Variants in FHOD3 observed in about 807,000 individuals in gnomAD.
The protein encoded by FHOD3 is FH1/FH2 domain-containing protein 3.
In FHOD3, 90 loss-of-function variants were observed where a neutral mutation model predicts 173.0. The observed-to-expected ratio is 0.52, with a 90% confidence interval of 0.44 to 0.62. The LOEUF is 0.62. Among genes scored for constraint, FHOD3 ranks in the 20% least tolerant of loss-of-function variants. FHOD3 has a pLI of 0.00. For missense variants in FHOD3, 1,945 were observed against 2,034.7 expected, an observed-to-expected ratio of 0.96 and a Z score of 0.85; for synonymous variants, 828 against 823.0, an observed-to-expected ratio of 1.01 and a Z score of -0.10.
At chr18:36,550,744 A>C (rs1270776226) in intron 5 of FHOD3, among the ~76,000 whole-genome samples, 3 of 152,130 alleles carry the variant, frequency 2.0e-5, no homozygotes, top group African/African-American at 7.2e-5. Flanking sequence ...TTTTTTAGAC[A>C]TACAACTTAA....
At chr18:36,575,237 T>G (rs2058605713) in intron 5 of FHOD3, among the ~76,000 whole-genome samples, 1 of 152,168 alleles carries the variant, frequency 6.6e-6, no homozygotes, top group Non-Finnish European at 1.5e-5. Flanking sequence ...TCCCAAAGTG[T>G]TGGGATTACA....
intron 1 of FHOD3, among the ~76,000 whole-genome samples, chr18:36,330,996 G>A (rs1013552294): frequency 2.0e-5 from 3 of 152,094 alleles, no homozygotes; most frequent in Non-Finnish European, 1.5e-5. Context: ...CTCCCCAGGC[G>A]CTCTCCTGCC....
At chr18:36,745,056 A>G (rs2042083801) in intron 23 of FHOD3, among the ~76,000 whole-genome samples, 1 of 152,044 alleles carries the variant, frequency 6.6e-6, no homozygotes. Context: ...AGGAAGAGAG[A>G]GAGTGGTGGG....
At chr18:36,487,292 G>C (rs1464676777) in intron 3 of FHOD3, among the ~76,000 whole-genome samples, 2 of 152,170 alleles carry the variant, frequency 1.3e-5, no homozygotes, top group Non-Finnish European at 2.9e-5. Context: ...GTTGTTCCAG[G>C]TTCTCCATAA....
chr18:36,437,342 G>T (rs2143510276), intron 3 of FHOD3, among the ~76,000 whole-genome samples: 1 of 152,192 alleles, frequency 6.6e-6, no homozygotes, highest in East Asian at 1.9e-4. Flanking sequence ...TTAGCTTTTT[G>T]CTTGTGCTAC....
At chr18:36,376,344 T>C (rs1230813795) in intron 3 of FHOD3, among the ~76,000 whole-genome samples, 1 of 152,202 alleles carries the variant, frequency 6.6e-6, no homozygotes, top group Non-Finnish European at 1.5e-5. Context: ...GTCTTCCCAT[T>C]TAGAAAGTAA....
chr18:36,678,937 T>C (rs1346114617), intron 14 of FHOD3, among the ~76,000 whole-genome samples: 1 of 136 alleles, frequency 7.4e-3, no homozygotes, highest in East Asian at 0.5. Flanking sequence ...TCATGTAAAA[T>C]GGGTTGTGGG....
At chr18:36,463,886 A>G (rs1006349086) in intron 3 of FHOD3, among the ~76,000 whole-genome samples, 10 of 152,230 alleles carry the variant, frequency 6.6e-5, no homozygotes, top group African/African-American at 2.4e-4. Flanking sequence ...GAGAAATTAA[A>G]ATCTAATTAT....
At chr18:36,493,600 T>A (rs78476565) in intron 3 of FHOD3, among the ~76,000 whole-genome samples, 2,001 of 152,146 alleles carry the variant, frequency 0.013, 46 homozygotes, top group African/African-American at 0.045. Flanking sequence ...TTTCAGAGAG[T>A]TGTTTTTCAC....
intron 3 of FHOD3, among the ~76,000 whole-genome samples, chr18:36,431,063 G>A (rs998305495): frequency 6.6e-6 from 1 of 152,204 alleles, no homozygotes; most frequent in Non-Finnish European, 1.5e-5. Flanking sequence ...ACAAAGTTGA[G>A]ATCTTGATAA....
chr18:36,445,446 A>G (rs2051411469), intron 3 of FHOD3, among the ~76,000 whole-genome samples: 1 of 152,168 alleles, frequency 6.6e-6, no homozygotes, highest in African/African-American at 2.4e-5. Flanking sequence ...CCTGAAAAAT[A>G]AGAATAATAA....
At chr18:36,662,340 C>A (rs535415915) in intron 14 of FHOD3, among the ~76,000 whole-genome samples, 26 of 152,292 alleles carry the variant, frequency 1.7e-4, no homozygotes, top group Admixed American at 4.6e-4. Context: ...CTATCCTGCA[C>A]TGTGAGTGCT....
intron 10 of FHOD3, among the ~76,000 whole-genome samples, chr18:36,636,481 C>T (rs890969157): frequency 9.2e-5 from 14 of 152,116 alleles, no homozygotes; most frequent in African/African-American, 2.9e-4. Context: ...CCAAAGAAAG[C>T]CTGGGCACAT....
chr18:36,378,596 C>CAA (rs764259858), intron 3 of FHOD3, among the ~76,000 whole-genome samples: 7,123 of 111,180 alleles, frequency 0.064, 336 homozygotes, highest in Non-Finnish European at 0.072. Context: ...CCCTCTGCCA[C>CAA]AAAAAAAAAA....
chr18:36,675,861 G>C (rs1568589268), intron 14 of FHOD3, among the ~76,000 whole-genome samples: 1 of 152,088 alleles, frequency 6.6e-6, no homozygotes, highest in Non-Finnish European at 1.5e-5. Flanking sequence ...ACATTATTTG[G>C]CTCCTAAAAT....
At chr18:36,724,920 C>T (rs1351572467) in intron 19 of FHOD3, among the ~76,000 whole-genome samples, 1 of 152,182 alleles carries the variant, frequency 6.6e-6, no homozygotes, top group Admixed American at 6.5e-5. Flanking sequence ...CAGAGCCTGG[C>T]TGCTTCCCAG....
chr18:36,715,426 T>C (rs1181743804), intron 18 of FHOD3, among the ~76,000 whole-genome samples: 1 of 152,170 alleles, frequency 6.6e-6, no homozygotes, highest in Non-Finnish European at 1.5e-5. Flanking sequence ...TGTGAGTCAA[T>C]TAAACCTCTT....
At chr18:36,701,296 TAGAG>T (rs2039576391) in intron 17 of FHOD3, among the ~76,000 whole-genome samples, 1 of 152,182 alleles carries the variant, frequency 6.6e-6, no homozygotes, top group Non-Finnish European at 1.5e-5. Context: ...GTATAATTAA[TAGAG>T]AGGAAACTTT....
intron 5 of FHOD3, among the ~76,000 whole-genome samples, chr18:36,528,410 T>C (rs967328555): frequency 6.6e-6 from 1 of 152,346 alleles, no homozygotes; most frequent in Admixed American, 6.5e-5. Flanking sequence ...GGAGCAGTGC[T>C]GATCAGAGAG....
Sources: gnomAD v4.1 joint callset for allele counts (sites outside exome capture counted in the v4.1 genomes callset) on GRCh38, gnomAD v4.1.1 for gene constraint, MANE v1.5 for transcripts, NCBI Gene and HGNC (gene_info 2026-07-23, HGNC 2026-07-21) for gene names.